Variants in PRDM5 observed in about 807,000 individuals in gnomAD.
PRDM5 encodes the protein PR domain zinc finger protein 5.
Under a neutral mutation model 81.2 loss-of-function variants are expected in PRDM5, and 56 were observed. That is an observed-to-expected ratio of 0.69 (90% CI 0.56 to 0.86). The LOEUF (loss-of-function observed/expected upper bound fraction) is 0.86, where lower values mean the gene tolerates loss of function less well. Ranked by LOEUF, PRDM5 falls within the 40% of genes least tolerant of loss-of-function variation. PRDM5 has a pLI of 0.00. For missense variants in PRDM5, 697 were observed against 770.1 expected (o/e 0.91, Z 1.12); for synonymous variants, 267 against 256.4 (o/e 1.04, Z -0.39).
chr4:120,774,924 ATATATG>A (rs1747902491), intron 13 of PRDM5, among the ~76,000 whole-genome samples: 1 of 90,516 alleles, frequency 1.1e-5, no homozygotes, highest in African/African-American at 3.2e-5. Flanking sequence ...GTATATGTAT[ATATATG>A]TATATGTATA....
At chr4:120,914,613 G>A (rs1008274278) in intron 1 of PRDM5, among the ~76,000 whole-genome samples, 4 of 152,142 alleles carry the variant, frequency 2.6e-5, no homozygotes, top group Admixed American at 1.3e-4. Context: ...AGAGAAGCAC[G>A]CACCTTCTTC....
At chr4:120,873,125 C>T (rs1262813886) in intron 2 of PRDM5, among the ~76,000 whole-genome samples, 3 of 152,194 alleles carry the variant, frequency 2.0e-5, no homozygotes, top group African/African-American at 4.8e-5. Context: ...ACTTAGCCTC[C>T]CAAGTAGCTG....
chr4:120,755,645 T>C lies in PRDM5; in HGVS notation c.1538-1007A>G, dbSNP rs74763846. Among the ~76,000 whole-genome samples, 57 of 152,254 alleles carry C rather than the reference T, an allele frequency of 3.7e-4. 1 individual carries two copies. Among genetic ancestry groups the C allele is most frequent in the African/African-American group, 1.3e-3 (54 of 41,552 alleles). ...GTCAACTCTCTCATGGGGTCAACAA[T>C]GCCCCTTGTTGCTTGATCCAGTGAC... On this transcript the variant is annotated intron_variant, in intron 13 of 15. Transcript: ENST00000264808.
intron 14 of PRDM5, among the ~76,000 whole-genome samples, chr4:120,739,196 C>G (rs1741540791): frequency 6.6e-6 from 1 of 152,316 alleles, no homozygotes; most frequent in East Asian, 1.9e-4. Flanking sequence ...TTATTCTGTT[C>G]CAGCCTCGGA....
intron 1 of PRDM5, among the ~76,000 whole-genome samples, chr4:120,685,840 C>G (rs1733813268): frequency 6.6e-6 from 1 of 151,856 alleles, no homozygotes; most frequent in Non-Finnish European, 1.5e-5. Context: ...GTCCTTTATT[C>G]CTTTTCATAT....
chr4:120,865,345 A>G (rs1215342406), intron 2 of PRDM5, among the ~76,000 whole-genome samples: 1 of 152,226 alleles, frequency 6.6e-6, no homozygotes, highest in Non-Finnish European at 1.5e-5. Context: ...TAAGAAGAGT[A>G]GGGACAGACA....
intron 14 of PRDM5, among the ~76,000 whole-genome samples, chr4:120,728,883 G>T (rs949850793): frequency 6.6e-5 from 10 of 152,254 alleles, no homozygotes; most frequent in Middle Eastern, 3.4e-3. Flanking sequence ...GTGTGATAAA[G>T]AAATGTAATT....
chr4:120,758,186 A>C (rs534804457), intron 13 of PRDM5, among the ~76,000 whole-genome samples: 2 of 152,276 alleles, frequency 1.3e-5, no homozygotes, highest in African/African-American at 4.8e-5. Context: ...ATAACTGTGT[A>C]AGCCAATTCC....
intron 15 of PRDM5, among the ~76,000 whole-genome samples, chr4:120,707,166 A>AAAAC (rs1301734723): frequency 2.6e-5 from 4 of 152,134 alleles, no homozygotes; most frequent in Admixed American, 2.6e-4. Flanking sequence ...CAAAAATCCT[A>AAAAC]AAACAAACAA....
intron 2 of PRDM5, among the ~76,000 whole-genome samples, chr4:120,860,573 T>C (rs987729019): frequency 1.7e-4 from 26 of 151,738 alleles, no homozygotes; most frequent in African/African-American, 6.1e-4. Flanking sequence ...GGCTTTTTTA[T>C]CACATGAAGA....
chr4:120,787,491 T>C (rs78693514), intron 10 of PRDM5, among the ~76,000 whole-genome samples: 30,289 of 152,052 alleles, frequency 0.2, 3,677 homozygotes, highest in Non-Finnish European at 0.28. Context: ...GACAACAAAA[T>C]GTAGGGGAAA....
intron 14 of PRDM5, among the ~76,000 whole-genome samples, chr4:120,718,114 T>G (rs1738064879): frequency 6.6e-6 from 1 of 152,238 alleles, no homozygotes; most frequent in Non-Finnish European, 1.5e-5. Flanking sequence ...CTAGCTCCTC[T>G]GTGGTTATAT....
At chr4:120,830,976 T>C (rs1250502115) in intron 3 of PRDM5, among the ~76,000 whole-genome samples, 1 of 152,160 alleles carries the variant, frequency 6.6e-6, no homozygotes, top group African/African-American at 2.4e-5. Context: ...ACAAATCTGA[T>C]ATTGTGGAGA....
chr4:120,759,283 T>C (rs769235521), intron 13 of PRDM5, among the ~76,000 whole-genome samples: 1 of 152,242 alleles, frequency 6.6e-6, no homozygotes, highest in African/African-American at 2.4e-5. Context: ...TGCATCACCA[T>C]GTAAATGGCT....
intron 3 of PRDM5, among the ~76,000 whole-genome samples, chr4:120,850,579 C>A (rs139222607): frequency 1.5e-4 from 23 of 152,166 alleles, no homozygotes; most frequent in African/African-American, 4.6e-4. Context: ...TAAGAAAGTG[C>A]AAAACAGTGT....
In PRDM5 at chr4:120,907,661, C is replaced by T; in HGVS notation, c.94-104G>A. ...AATGTTTTTCTGCAAATCTTCATGC[C>T]CAAAGAAGAGATGCTTTTGAAATAT... On this transcript the variant is annotated intron_variant, in intron 1 of 15. Coordinates refer to ENST00000264808, the MANE Select transcript of PRDM5 (RefSeq NM_018699.4). The T allele has an allele frequency of 9.1e-6, 8 of 882,044 alleles. No homozygotes were observed. The South Asian group carries it at 1.1e-4, about 12-fold the overall frequency. 54.6% of individuals were successfully genotyped at this position (882,044 alleles called of 1,614,324 possible).
At chr4:120,852,760 TA>T (rs1395013475) in intron 3 of PRDM5, among the ~76,000 whole-genome samples, 3 of 149,548 alleles carry the variant, frequency 2.0e-5, no homozygotes, top group Non-Finnish European at 4.4e-5. Context: ...TATTTTTATA[TA>T]TTTTTTATAT....
intron 7 of PRDM5, among the ~76,000 whole-genome samples, chr4:120,815,392 T>G (rs545898803): frequency 4.8e-4 from 73 of 152,318 alleles, no homozygotes; most frequent in African/African-American, 1.7e-3. Flanking sequence ...GAGGTGCATT[T>G]CACAAGGCCC....
At chr4:120,851,417 T>A (rs1367698885) in intron 3 of PRDM5, among the ~76,000 whole-genome samples, 1 of 148,038 alleles carries the variant, frequency 6.8e-6, no homozygotes, top group African/African-American at 2.5e-5. Flanking sequence ...CAGAAAGCCA[T>A]GAAAAAATAT....
Sources: gnomAD v4.1 joint callset for allele counts (sites outside exome capture counted in the v4.1 genomes callset) on GRCh38, gnomAD v4.1.1 for gene constraint, MANE v1.5 for transcripts, NCBI Gene and HGNC (gene_info 2026-07-23, HGNC 2026-07-21) for gene names.